The following KIRREL3 variants were observed in gnomAD, a reference collection of about 807,000 sequenced individuals.
The protein encoded by KIRREL3 is kin of IRRE-like protein 3.
In KIRREL3, 36 loss-of-function variants were observed where a neutral mutation model predicts 89.7. That is an observed-to-expected ratio of 0.40 (90% confidence interval 0.31 to 0.53). KIRREL3 has a LOEUF of 0.53. Ranked by LOEUF, KIRREL3 falls within the 20% of genes least tolerant of loss-of-function variation. The pLI, the probability that KIRREL3 is intolerant of heterozygous loss-of-function variation, is 0.49. For missense variants in KIRREL3, 864 were observed against 1,056.6 expected (o/e 0.82, Z 2.53); for synonymous variants, 445 against 441.4 (o/e 1.01, Z -0.10).
chr11:126,593,247 C>T (rs759435552), intron 1 of KIRREL3, among the ~76,000 whole-genome samples: 7 of 152,352 alleles, frequency 4.6e-5, no homozygotes, highest in Middle Eastern at 3.4e-3. Context: ...ACTGACTCAT[C>T]GGTCACTGCT....
chr11:126,980,868 A>G (rs4937222), intron 1 of KIRREL3, among the ~76,000 whole-genome samples: 30,077 of 152,176 alleles, frequency 0.2, 3,439 homozygotes, highest in East Asian at 0.54. Flanking sequence ...AACAACTCAC[A>G]AATATATTTT....
intron 4 of KIRREL3, among the ~76,000 whole-genome samples, chr11:126,518,992 T>G (rs1958506652): frequency 6.6e-6 from 1 of 152,272 alleles, no homozygotes; most frequent in African/African-American, 2.4e-5. Flanking sequence ...GAAAGGCTGA[T>G]GGACAAGATG....
In KIRREL3 at chr11:126,451,035, A is replaced by C. The variant is rs62649508; in HGVS notation, c.849-1878T>G. On this transcript the variant is annotated intron_variant, in intron 7 of 16. Coordinates refer to ENST00000525144, the MANE Select transcript of KIRREL3 (RefSeq NM_032531.4). ...AGTGCATGTGTCCATGTGCATGTGT[A>C]CATGTGTGAGCATGTGCATGTGTGC... Among the ~76,000 whole-genome samples the C allele has an allele frequency of 4.9e-3, 650 of 132,296 alleles. 5 individuals carry two copies. The highest frequency in any genetic ancestry group is 0.017 in the African/African-American group (600 of 34,444). 86.8% of individuals were successfully genotyped at this position (132,296 alleles called of 152,430 possible).
At chr11:126,649,628 G>T (rs1056113601) in intron 1 of KIRREL3, among the ~76,000 whole-genome samples, 3 of 152,194 alleles carry the variant, frequency 2.0e-5, no homozygotes, top group Admixed American at 1.3e-4. Context: ...GATGCAAGAG[G>T]TGGGTTCCCA....
At position 126,506,522 on chromosome 11, in the gene KIRREL3, G is replaced by T. The variant is rs145105602; in HGVS notation, c.433+14793C>A. On this transcript the variant is annotated intron_variant, in intron 4 of 16. Transcript: ENST00000525144. ...ATGCTCAACATCCTTATTCATTAGG[G>T]GAATGCAAATTAAAACCATAATGGA... 1.4e-3 allele frequency among the ~76,000 whole-genome samples: 219 copies of T among 152,238 alleles called. 2 individuals carry two copies. Among genetic ancestry groups the T allele is most frequent in the African/African-American group, 5.0e-3 (209 of 41,542 alleles).
intron 1 of KIRREL3, among the ~76,000 whole-genome samples, chr11:126,733,326 C>G (rs572716604): frequency 1.6e-4 from 25 of 152,150 alleles, no homozygotes; most frequent in Non-Finnish European, 3.1e-4. Flanking sequence ...CGAATGGCTT[C>G]TCATCCCTCA....
chr11:126,592,904 A>G (rs1256618127), intron 1 of KIRREL3, among the ~76,000 whole-genome samples: 1 of 151,502 alleles, frequency 6.6e-6, no homozygotes, highest in Admixed American at 6.6e-5. Context: ...TGCCGCTGGG[A>G]GCAGAGGGCT....
At chr11:126,663,394 C>G (rs1945513107) in intron 1 of KIRREL3, among the ~76,000 whole-genome samples, 1 of 151,838 alleles carries the variant, frequency 6.6e-6, no homozygotes, top group Non-Finnish European at 1.5e-5. Context: ...ACCATGTTAG[C>G]CAGGATGGTC....
chr11:126,427,048 C>A lies in KIRREL3; in HGVS notation c.1807-1324G>T, dbSNP rs946894734. Among the ~76,000 whole-genome samples, 2 of 152,156 alleles carry A rather than the reference C, an allele frequency of 1.3e-5. No individual in the cohort carries two copies. The highest frequency in any genetic ancestry group is 2.9e-5 in the Non-Finnish European group (2 of 68,034). ...TCTGCTCCCACCTGACACTGAGCTGCCCCCACTCTTGCCTGTGGATTTGGA... is the reference window on the plus strand; with the variant it reads ...TCTGCTCCCACCTGACACTGAGCTGACCCCACTCTTGCCTGTGGATTTGGA... On this transcript the variant is annotated intron_variant, in intron 15 of 16. Transcript: ENST00000525144. The surrounding 1 kb of genome is among the most constrained non-coding windows in gnomAD (Gnocchi z 5.3).
In KIRREL3 at chr11:126,951,697, G is replaced by A. The variant is rs1035565609; in HGVS notation, c.55+48758C>T. On this transcript the variant is annotated intron_variant, in intron 1 of 16. Transcript: ENST00000525144. The stretch of plus-strand genomic sequence containing the variant: ...GAACTTCAAGTGTCAGGCATTAAGC[G>A]AAGACAGCTGTGGCAATCATTTTGT... Among the ~76,000 whole-genome samples, 3 of 152,166 alleles carry A rather than the reference G, an allele frequency of 2.0e-5. 1 individual carries two copies. In the South Asian group the frequency reaches 6.2e-4, roughly 31 times the overall value.
In KIRREL3 at chr11:126,977,704, G is replaced by T. The variant is rs912178910; in HGVS notation, c.55+22751C>A. Among the ~76,000 whole-genome samples the T allele has an allele frequency of 1.3e-5, 2 of 152,200 alleles. No individual in the cohort carries two copies. The highest frequency in any genetic ancestry group is 4.8e-5 in the African/African-American group (2 of 41,440). ...AGTTAGACTTGAGCCCAGAGTGACA[G>T]AGTCCCTTATTGATTTTTCCCCAAC... is the stretch of plus-strand genomic sequence containing the variant. On this transcript the variant is annotated intron_variant, in intron 1 of 16. Transcript: ENST00000525144. The surrounding 1 kb of genome is among the most constrained non-coding windows in gnomAD (Gnocchi z 4.7).
rs1174650662 is a variant in KIRREL3 at position 126,970,938 on chromosome 11, C to T, written c.55+29517G>A. 6.6e-6 allele frequency among the ~76,000 whole-genome samples: 1 copy of T among 152,208 alleles called. No individual in the cohort carries two copies. Among genetic ancestry groups the T allele is most frequent in the African/African-American group, 2.4e-5 (1 of 41,452 alleles). On this transcript the variant is annotated intron_variant, in intron 1 of 16. Coordinates refer to ENST00000525144, the MANE Select transcript of KIRREL3 (RefSeq NM_032531.4). The surrounding 1 kb of genome is among the most constrained non-coding windows in gnomAD (Gnocchi z 4.4). ...CATGGCGGTGCTATGGCTTCTCCCC[C>T]ACCCACCAGTCTCCCTTACAGTAGC...
At chr11:126,468,298 C>G (rs1403063820) in intron 5 of KIRREL3, among the ~76,000 whole-genome samples, 2 of 152,258 alleles carry the variant, frequency 1.3e-5, no homozygotes, top group Non-Finnish European at 2.9e-5. Flanking sequence ...TGTCCCCAGA[C>G]AGCCCAGGGT....
intron 5 of KIRREL3, among the ~76,000 whole-genome samples, chr11:126,467,076 G>A (rs545196522): frequency 3.0e-4 from 45 of 152,376 alleles, no homozygotes; most frequent in African/African-American, 9.9e-4. Flanking sequence ...TGTGCAGCAT[G>A]TGTCCGGGAA....
rs1457278018 is a variant in KIRREL3, at chr11:126,987,498, C to T, written c.55+12957G>A. On this transcript the variant is annotated intron_variant, in intron 1 of 16. Coordinates refer to ENST00000525144, the MANE Select transcript of KIRREL3 (RefSeq NM_032531.4). The surrounding 1 kb of genome is among the most constrained non-coding windows in gnomAD (Gnocchi z 4.6). ...CTGGTTGGTATGTCTTGATTCTGAC[C>T]AGTTCCAGTATTCAGCTGTTTTCAC... Among the ~76,000 whole-genome samples the T allele has an allele frequency of 6.6e-6, 1 of 152,128 alleles. No individual in the cohort carries two copies. Among genetic ancestry groups the T allele is most frequent in the Non-Finnish European group, 1.5e-5 (1 of 68,018 alleles).
At chr11:126,787,310 T>C (rs1157919651) in intron 1 of KIRREL3, among the ~76,000 whole-genome samples, 4 of 152,176 alleles carry the variant, frequency 2.6e-5, no homozygotes, top group Non-Finnish European at 4.4e-5. Context: ...TGTGGGGAGT[T>C]TGCACAATTA....
chr11:126,952,184 G>A (rs573635801), intron 1 of KIRREL3, among the ~76,000 whole-genome samples: 67 of 152,254 alleles, frequency 4.4e-4, no homozygotes, highest in Non-Finnish European at 8.5e-4. Context: ...TCAGGAGTTC[G>A]AGAGCAGCCT....
At chr11:126,907,905 A>G (rs1027607812) in intron 1 of KIRREL3, among the ~76,000 whole-genome samples, 3 of 152,070 alleles carry the variant, frequency 2.0e-5, no homozygotes, top group Non-Finnish European at 2.9e-5. Context: ...TCTGCCTGGA[A>G]TGCTCTTCCC....
chr11:126,854,628 T>C (rs1944449786), intron 1 of KIRREL3, among the ~76,000 whole-genome samples: 1 of 152,252 alleles, frequency 6.6e-6, no homozygotes, highest in African/African-American at 2.4e-5. Flanking sequence ...TGTCCATTGA[T>C]AGATGATCCG....
Sources: allele counts gnomAD v4.1 joint callset (sites outside exome capture counted in the v4.1 genomes callset), GRCh38; gene constraint gnomAD v4.1.1; non-coding constraint Gnocchi (gnomAD v3.1); transcripts MANE v1.5; gene names NCBI Gene and HGNC (gene_info 2026-07-23, HGNC 2026-07-21).